The following HERC2 variants were observed in gnomAD, a reference collection of about 807,000 sequenced individuals.
The protein encoded by HERC2 is HECT and RLD domain containing E3 ubiquitin protein ligase 2.
Under a neutral mutation model 537.7 loss-of-function variants are expected in HERC2, and 102 were observed. That is an observed-to-expected ratio of 0.19 (90% CI 0.16 to 0.22). HERC2 has a LOEUF of 0.22. HERC2 is among the 10% of genes least tolerant of loss of function. The pLI, the probability that HERC2 is intolerant of heterozygous loss-of-function variation, is 1.00. For missense variants in HERC2, 4,236 were observed against 6,198.2 expected, an observed-to-expected ratio of 0.68 and a Z score of 10.63; for synonymous variants, 2,224 against 2,466.2, an observed-to-expected ratio of 0.90 and a Z score of 2.91.
chr15:28,135,610 G>T lies in HERC2; in HGVS notation c.12098C>A (p.Ser4033Tyr). 1.2e-6 allele frequency: 2 copies of T among 1,614,026 alleles called. No individual in the cohort carries two copies. Among genetic ancestry groups the T allele is most frequent in the Non-Finnish European group, 1.7e-6 (2 of 1,179,890 alleles). ...ESVSTPTLLE[S>Y]IQHVFIKKVA... ...TTTCTTAATAAACACATGCTGAATG[G>T]ATTCAAGCAATGTTGGGGTGGACAC... Residue 4033 changes from serine to tyrosine, a missense_variant, in exon 79 of 93, where the codon TCC (serine) becomes TAC (tyrosine). This residue lies in a region of HERC2 where 43 missense variants were observed against 82.6 expected (regional missense o/e 0.52). Transcript: ENST00000261609.
At chr15:28,241,410 T>C (rs1043896948) in intron 23 of HERC2, among the ~76,000 whole-genome samples, 2 of 151,480 alleles carry the variant, frequency 1.3e-5, no homozygotes, top group Admixed American at 1.3e-4. Context: ...TGCACACTAC[T>C]GACAGGAACA....
At chr15:28,278,507 C>T (rs150346860) in intron 5 of HERC2, among the ~76,000 whole-genome samples, 14 of 151,876 alleles carry the variant, frequency 9.2e-5, no homozygotes, top group Non-Finnish European at 1.8e-4. Flanking sequence ...TTTTTTATTG[C>T]TTTTCTTCCA....
rs755202357 is a variant in HERC2, at chr15:28,176,971, C to T, written c.9411G>A (p.Thr3137=). Residue 3137 remains threonine, a synonymous_variant, in exon 61 of 93, where the codon ACG becomes ACA. Transcript: ENST00000261609. The surrounding 1 kb of genome is among the most constrained non-coding windows in gnomAD (Gnocchi z 5.0). ...EYGRLGHGDN[T]TQLKPKMVKV... ...TCACCATTTTGGGCTTTAGCTGTGT[C>T]GTATTATCCCCATGTCCCAGCCGGC... 4.3e-6 allele frequency: 7 copies of T among 1,613,040 alleles called. No homozygotes were observed. The highest frequency in any genetic ancestry group is 2.2e-5 in the South Asian group (2 of 91,020).
intron 35 of HERC2, 149 bp downstream of exon 35, chr15:28,228,069 A>C (rs1171480112): frequency 1.1e-5 from 8 of 711,902 alleles, no homozygotes; most frequent in Middle Eastern, 7.9e-4. Context: ...ATACCGCTGA[A>C]TTGTGACGTT....
At chr15:28,146,190 G>T in intron 71 of HERC2, 47 bp downstream of exon 71, 1 of 1,246,196 alleles carries the variant, frequency 8.0e-7, no homozygotes, top group Non-Finnish European at 1.2e-6. Flanking sequence ...TGTGTCTACG[G>T]AGACACAGGT....
At chr15:28,200,319 C>T (rs1318434875) in intron 48 of HERC2, among the ~76,000 whole-genome samples, 1 of 152,046 alleles carries the variant, frequency 6.6e-6, no homozygotes, top group African/African-American at 2.4e-5. Flanking sequence ...GGCATGAACC[C>T]GGGAGGCGGA....
intron 36 of HERC2, 115 bp downstream of exon 36, chr15:28,221,913 A>ATGG (rs1900560059): frequency 2.2e-6 from 2 of 925,482 alleles, no homozygotes; most frequent in Admixed American, 3.4e-5. Flanking sequence ...CACCTGTGTC[A>ATGG]TCAATCAACT....
chr15:28,127,432 T>C (rs1456333305), intron 83 of HERC2, among the ~76,000 whole-genome samples: 1 of 152,180 alleles, frequency 6.6e-6, no homozygotes, highest in African/African-American at 2.4e-5. Context: ...ATGAGAAAAC[T>C]GGAATGAACC....
intron 26 of HERC2, among the ~76,000 whole-genome samples, chr15:28,236,157 G>C (rs12904397): frequency 0.079 from 11,951 of 151,242 alleles, 961 homozygotes; most frequent in East Asian, 0.42. Context: ...GACGGGTAGA[G>C]ATTCCTGCAC....
chr15:28,239,450 T>C (rs1017728514), intron 23 of HERC2, among the ~76,000 whole-genome samples: 1 of 150,486 alleles, frequency 6.6e-6, no homozygotes, highest in Admixed American at 6.6e-5. Context: ...GAGGTGGCAG[T>C]TCAAGAAGTC....
intron 69 of HERC2, among the ~76,000 whole-genome samples, chr15:28,154,795 T>C (rs1892815517): frequency 6.6e-6 from 1 of 152,214 alleles, no homozygotes; most frequent in Admixed American, 6.5e-5. Flanking sequence ...CTTTAAGTTC[T>C]AGGGTACATG....
At chr15:28,229,429 T>C in intron 33 of HERC2, 31 bp downstream of exon 33, 1 of 1,613,532 alleles carries the variant, frequency 6.2e-7, no homozygotes, top group South Asian at 1.1e-5. Flanking sequence ...ATAGCTACCT[T>C]AATTAAGAAA....
chr15:28,213,832 A>G lies in HERC2; in HGVS notation c.6696T>C (p.Thr2232=), dbSNP rs527741176. The change falls in exon 42 of 93, where the codon ACT becomes ACC. Residue 2232 remains threonine, a synonymous_variant. Coordinates refer to ENST00000261609, the MANE Select transcript of HERC2 (RefSeq NM_004667.6). ...QVMHDEFGEG[T]VTRITPKGKI... Reference sequence around the variant, plus strand: ...TGCCCTTTGGGGTGATGCGAGTCACAGTGCCTTCTCCAAACTCATCGTGCA... The same window carrying G: ...TGCCCTTTGGGGTGATGCGAGTCACGGTGCCTTCTCCAAACTCATCGTGCA... 2.7e-5 allele frequency: 44 copies of G among 1,614,024 alleles called. No homozygotes were observed. The highest frequency in any genetic ancestry group is 9.3e-5 in the African/African-American group (7 of 75,060).
chr15:28,246,134 T>C, intron 22 of HERC2, 68 bp from the exon 23 acceptor site: 1 of 1,020,378 alleles, frequency 9.8e-7, no homozygotes, highest in Admixed American at 2.7e-5. Flanking sequence ...AAACTTGTTC[T>C]GTGTTTAAAT....
intron 70 of HERC2, 51 bp from the exon 71 acceptor site, chr15:28,146,395 A>G (rs1891737489): frequency 1.6e-6 from 2 of 1,262,592 alleles, no homozygotes; most frequent in Admixed American, 1.7e-5. Flanking sequence ...ATCAGCACCC[A>G]AAGTAGAAAC....
rs765568320 is a variant in HERC2 at position 28,248,692 on chromosome 15, C to G, written c.3095G>C (p.Arg1032Pro). 1.2e-6 allele frequency: 2 copies of G among 1,614,010 alleles called. No homozygotes were observed. The highest frequency in any genetic ancestry group is 3.3e-5 in the Admixed American group (2 of 60,010). The change falls in exon 21 of 93, where the codon CGT becomes CCT. Residue 1032 changes from arginine to proline, a missense_variant. Arg to Pro is a moderately radical substitution (Grantham distance 103, BLOSUM62 -2). Coordinates refer to ENST00000261609, the MANE Select transcript of HERC2 (RefSeq NM_004667.6). ...QTVARLKDVARRISSCLDFEQ... is the reference protein window; with the variant it reads ...QTVARLKDVAPRISSCLDFEQ... ...AAAGTCCAGACATGATGAAATCCGA[C>G]GGGCAACATCTTTCAATCTGGCTAC...
At chr15:28,314,609 G>C (rs1018515227) in intron 2 of HERC2, among the ~76,000 whole-genome samples, 1 of 152,016 alleles carries the variant, frequency 6.6e-6, no homozygotes, top group Non-Finnish European at 1.5e-5. Flanking sequence ...TGTCATCTCA[G>C]ACTTTGGGAG....
chr15:28,269,459 T>A (rs778591554), intron 10 of HERC2, 23 bp from the exon 11 acceptor site: 1 of 1,569,852 alleles, frequency 6.4e-7, no homozygotes, highest in South Asian at 1.1e-5. Context: ...AAAGTAAACA[T>A]TTCCTTTAAC....
chr15:28,160,573 C>T (rs1470352408), intron 69 of HERC2, among the ~76,000 whole-genome samples: 1 of 152,222 alleles, frequency 6.6e-6, no homozygotes, highest in Non-Finnish European at 1.5e-5. Context: ...TTTGCTAAGA[C>T]CGTTGGAAAA....
Sources: allele counts gnomAD v4.1 joint callset (sites outside exome capture counted in the v4.1 genomes callset), GRCh38; gene constraint gnomAD v4.1.1; regional missense constraint gnomAD v4.1.1; non-coding constraint Gnocchi (gnomAD v3.1); transcripts MANE v1.5; gene names NCBI Gene and HGNC (gene_info 2026-07-23, HGNC 2026-07-21).